Variants in CLCN2 observed in about 807,000 individuals in gnomAD.
CLCN2 encodes chloride voltage-gated channel 2, also known as chloride channel protein 2.
In CLCN2, 72 loss-of-function variants were observed where a neutral mutation model predicts 108.3. The observed-to-expected ratio is 0.66, with a 90% CI of 0.55 to 0.81. The LOEUF is 0.81. Among genes scored for constraint, CLCN2 ranks in the 30% least tolerant of loss-of-function variants. CLCN2 has a pLI of 0.00. For synonymous variants in CLCN2, 471 were observed against 467.1 expected, an observed-to-expected ratio of 1.01 and a Z score of -0.11; for missense variants, 1,048 against 1,205.2, an observed-to-expected ratio of 0.87 and a Z score of 1.93.
rs2108552186 is a variant in CLCN2, at chr3:184,346,508, G to A, written c.*98C>T. Reference sequence around the variant, plus strand: ...GGGGGCTGGGGTGCAGCCTCCAGCTGTAGCTGCCTCCTGCCTTCCGAAGGC... The same window carrying A: ...GGGGGCTGGGGTGCAGCCTCCAGCTATAGCTGCCTCCTGCCTTCCGAAGGC... On this transcript the variant is annotated 3_prime_UTR_variant, in exon 24 of 24. Transcript: ENST00000265593. This position sits in a 1 kb window ranked among gnomAD's most constrained non-coding sequence, Gnocchi z 6.0. The A allele has an allele frequency of 2.1e-6, 3 of 1,433,218 alleles. No homozygotes were observed. The highest frequency in any genetic ancestry group is 2.9e-6 in the Non-Finnish European group (3 of 1,033,026). The allele number at this position is 1,433,218 out of a possible 1,614,324, so 88.8% of individuals were successfully genotyped here.
At position 184,357,706 on chromosome 3, in the gene CLCN2, G is replaced by C. The variant is rs751958074; in HGVS notation, c.694-8C>G. ...TGTGTTCCGGGATTCATTCTGGCGA[G>C]AGTGGTGGCAAGAGGGGGTCAGCTG... On this transcript the variant is annotated splice_region_variant and splice_polypyrimidine_tract_variant and intron_variant, in intron 6 of 23. Transcript: ENST00000265593. 8 of 1,614,100 alleles carry C rather than the reference G, an allele frequency of 5.0e-6. No individual in the cohort carries two copies. Among genetic ancestry groups the C allele is most frequent in the Non-Finnish European group, 5.1e-6 (6 of 1,180,040 alleles).
chr3:184,356,072 T>C (rs779223498), intron 10 of CLCN2: 56 of 434,888 alleles, frequency 1.3e-4, no homozygotes, highest in Non-Finnish European at 2.2e-4. Context: ...TCCGAGTTGT[T>C]ATTCCACCCT....
chr3:184,349,057 C>T (rs1727905341), intron 22 of CLCN2: 1 of 152,208 alleles, frequency 6.6e-6, no homozygotes, highest in African/African-American at 2.4e-5. Flanking sequence ...GTCTTTATAG[C>T]CTCACATTCT....
chr3:184,354,735 A>G, intron 13 of CLCN2, 77 bp from the exon 14 acceptor site: 1 of 1,328,006 alleles, frequency 7.5e-7, no homozygotes, highest in Non-Finnish European at 1.1e-6. Flanking sequence ...AGAGGGTCAG[A>G]GGGTGAGGGA....
intron 5 of CLCN2, 38 bp from the exon 6 acceptor site, chr3:184,357,894 C>T (rs761358010): frequency 8.7e-6 from 14 of 1,613,316 alleles, no homozygotes; most frequent in Middle Eastern, 1.6e-4. Context: ...GGAGGGGGCC[C>T]GCCCTGACCT....
chr3:184,357,627 A>C lies in CLCN2; in HGVS notation c.765T>G (p.Pro255=), dbSNP rs1728663979. ...AVGVGCCFAA[P]IGGVLFSIEV... ...CCTAGGAGCCCTGCCTACCTCCAATAGGTGCCGCGAAGCAGCAGCCCACCC... is the reference window on the plus strand; with the variant it reads ...CCTAGGAGCCCTGCCTACCTCCAATCGGTGCCGCGAAGCAGCAGCCCACCC... Residue 255 remains proline (P), a synonymous_variant, in exon 7 of 24, where the codon CCT becomes CCG. Transcript: ENST00000265593. The C allele has an allele frequency of 1.2e-6, 2 of 1,613,870 alleles. No homozygotes were observed. The highest frequency in any genetic ancestry group is 1.7e-5 in the Admixed American group (1 of 60,010).
chr3:184,355,500 C>G lies in CLCN2; in HGVS notation c.1200G>C (p.Leu400=), dbSNP rs1294639066. Reference sequence around the variant, plus strand: ...GGCGGACCCACGTCCGATTGTCAAACAGGGTGACCAGCGTCTCTTTCTGTG... The same window carrying G: ...GGCGGACCCACGTCCGATTGTCAAAGAGGGTGACCAGCGTCTCTTTCTGTG... ...QLSQKETLVT[L]FDNRTWVRQG... Residue 400 remains leucine, a synonymous_variant, in exon 12 of 24, where the codon CTG becomes CTC. Transcript: ENST00000265593. The surrounding 1 kb of genome is among the most constrained non-coding windows in gnomAD (Gnocchi z 6.3). 21 of 1,614,094 alleles carry G rather than the reference C, an allele frequency of 1.3e-5. No homozygotes were observed. The highest frequency in any genetic ancestry group is 1.6e-5 in the Non-Finnish European group (19 of 1,179,978).
In CLCN2 at chr3:184,361,245, A is replaced by G. The variant is rs1712056653; in HGVS notation, c.63+172T>C. ...CCCTCAGCCTCAGCCAGAAACCAGC[A>G]TGCAGTTTTCCATCCCTTCGGCCCT... On this transcript the variant is annotated intron_variant, in intron 1 of 23. Coordinates refer to ENST00000265593, the MANE Select transcript of CLCN2 (RefSeq NM_004366.6). This position sits in a 1 kb window ranked among gnomAD's most constrained non-coding sequence, Gnocchi z 6.6. Among the ~76,000 whole-genome samples, 1 of 152,148 alleles carries G rather than the reference A, an allele frequency of 6.6e-6. No homozygotes were observed. The highest frequency in any genetic ancestry group is 6.5e-5 in the Admixed American group (1 of 15,276).
In CLCN2 at chr3:184,361,377, C is replaced by A; in HGVS notation, c.63+40G>T. ...TCCCAGGGTAACCTGGAGCAGGGGT[C>A]CCGGAGCGCACTCCTGGGGCTCAGC... On this transcript the variant is annotated intron_variant, in intron 1 of 23. Transcript: ENST00000265593. The surrounding 1 kb of genome is among the most constrained non-coding windows in gnomAD (Gnocchi z 6.6). The A allele has an allele frequency of 6.2e-7, 1 of 1,605,244 alleles. No individual in the cohort carries two copies. Among genetic ancestry groups the A allele is most frequent in the Non-Finnish European group, 8.5e-7 (1 of 1,172,360 alleles).
rs1664584406 is a variant in CLCN2 at position 184,361,284 on chromosome 3, T to C, written c.63+133A>G. Reference sequence around the variant, plus strand: ...CCCTTCGGCCCTGCAGCCTCAGACTTCCAAGCCTCAGTTTCCCCAGCTCAA... The same window carrying C: ...CCCTTCGGCCCTGCAGCCTCAGACTCCCAAGCCTCAGTTTCCCCAGCTCAA... On this transcript the variant is annotated intron_variant, in intron 1 of 23. Coordinates refer to ENST00000265593, the MANE Select transcript of CLCN2 (RefSeq NM_004366.6). This position sits in a 1 kb window ranked among gnomAD's most constrained non-coding sequence, Gnocchi z 6.6. 2.0e-6 allele frequency: 2 copies of C among 1,006,584 alleles called. No individual in the cohort carries two copies. Among genetic ancestry groups the C allele is most frequent in the African/African-American group, 1.6e-5 (1 of 63,416 alleles). The allele number at this position is 1,006,584 out of a possible 1,614,324, so 62.4% of individuals were successfully genotyped here.
chr3:184,353,950 G>T, intron 15 of CLCN2, 151 bp downstream of exon 15: 1 of 1,360,264 alleles, frequency 7.4e-7, no homozygotes, highest in Non-Finnish European at 1.0e-6. Context: ...CTGAACAGCA[G>T]GGGCCAGCTA....
At chr3:184,352,642 T>G (rs534868963) in intron 19 of CLCN2, 95 bp downstream of exon 19, 2 of 1,488,718 alleles carry the variant, frequency 1.3e-6, no homozygotes, top group South Asian at 1.1e-5. Context: ...GCAGGGAGAA[T>G]AGAGGCAGGC....
At position 184,357,783 on chromosome 3, in the gene CLCN2, T is replaced by G; in HGVS notation, c.689A>C (p.Tyr230Ser). The G allele has an allele frequency of 6.2e-7, 1 of 1,613,868 alleles. No individual in the cohort carries two copies. Among genetic ancestry groups the G allele is most frequent in the Non-Finnish European group, 8.5e-7 (1 of 1,179,972 alleles). The change falls in exon 6 of 24, where the codon TAT becomes TCT. Residue 230 changes from tyrosine (Y) to serine (S), a missense_variant. By Grantham distance (144) the Tyr-to-Ser change is moderately radical. Transcript: ENST00000265593. ...TTGCCCCAGGGTTCCCCTTACCTCA[T>G]AGATACCCCCAAAGAGGGAGAGGAA... ...SKFLSLFGGI[Y>S]ENESRNTEML...
At position 184,353,664 on chromosome 3, in the gene CLCN2, G is replaced by A; in HGVS notation, c.1853C>T (p.Pro618Leu). Residue 618 changes from proline to leucine, a missense_variant and splice_region_variant, in exon 16 of 24, where the codon CCT becomes CTT. Physicochemically the swap from Pro to Leu is moderately conservative, Grantham distance 98. Coordinates refer to ENST00000265593, the MANE Select transcript of CLCN2 (RefSeq NM_004366.6). ...KGRMLALVES[P>L]ESMILLGSIE... is the part of the protein sequence containing the mutation. ...CCTGGGACCCCTCCTGGCCTCACCAGGGGACTCCACTAGGGCCAGCATTCG... is the reference window on the plus strand; with the variant it reads ...CCTGGGACCCCTCCTGGCCTCACCAAGGGACTCCACTAGGGCCAGCATTCG... 6.2e-7 allele frequency: 1 copy of A among 1,612,234 alleles called. No homozygotes were observed. Among genetic ancestry groups the A allele is most frequent in the South Asian group, 1.1e-5 (1 of 90,890 alleles).
chr3:184,358,124 A>C (rs1711536127), intron 4 of CLCN2, 29 bp from the exon 5 acceptor site: 1 of 1,614,048 alleles, frequency 6.2e-7, no homozygotes, highest in East Asian at 2.2e-5. Context: ...CAGGAGAGGC[A>C]TTCGATGCAC....
At chr3:184,352,937 A>G (rs766542990) in intron 18 of CLCN2, 96 bp downstream of exon 18, 18 of 1,522,486 alleles carry the variant, frequency 1.2e-5, no homozygotes, top group Non-Finnish European at 1.6e-5. Context: ...AGCCTCTTCC[A>G]GCTGGGATGT....
intron 15 of CLCN2, 85 bp downstream of exon 15, chr3:184,354,016 G>C (rs1728336245): frequency 1.4e-6 from 2 of 1,465,920 alleles, no homozygotes; most frequent in Admixed American, 3.6e-5. Flanking sequence ...GTAGGCTCCA[G>C]GACCTTGCTA....
chr3:184,359,251 G>T, intron 1 of CLCN2, 120 bp from the exon 2 acceptor site: 1 of 1,245,398 alleles, frequency 8.0e-7, no homozygotes, highest in Non-Finnish European at 1.2e-6. Context: ...CCTCTTGAAC[G>T]CACAGTTCCC....
In CLCN2 at chr3:184,353,284, C is replaced by T. The variant is rs1189867948; in HGVS notation, c.1994G>A (p.Gly665Asp). 1 of 1,613,902 alleles carries T rather than the reference C, an allele frequency of 6.2e-7. No homozygotes were observed. The highest frequency in any genetic ancestry group is 8.5e-7 in the Non-Finnish European group (1 of 1,180,020). ...TQTSPLSDQE[G>D]PPTPEASVCF... is the part of the protein sequence containing the mutation. The stretch of plus-strand genomic sequence containing the variant: ...GACAGAAGCCTCAGGGGTAGGGGGA[C>T]CCTCCTGATCAGATAGTGGAGAGGT... Residue 665 changes from glycine to aspartate, a missense_variant, in exon 17 of 24, where the codon GGT becomes GAT. Gly to Asp is a moderately conservative substitution (Grantham distance 94). Transcript: ENST00000265593.
Sources: gnomAD v4.1 joint callset for allele counts (sites outside exome capture counted in the v4.1 genomes callset) on GRCh38, gnomAD v4.1.1 for gene constraint, Gnocchi (gnomAD v3.1) non-coding constraint, MANE v1.5 for transcripts, NCBI Gene and HGNC (gene_info 2026-07-23, HGNC 2026-07-21) for gene names.